Variants in ENKUR observed in about 807,000 individuals in gnomAD.
The protein encoded by ENKUR is enkurin, TRPC channel interacting protein.
In ENKUR, 19 loss-of-function variants were observed where a neutral mutation model predicts 27.6. That is an observed-to-expected ratio of 0.69 (90% confidence interval 0.48 to 1.01). ENKUR has a LOEUF of 1.01. ENKUR is among the 50% of genes least tolerant of loss of function. The pLI is 0.00. For missense variants in ENKUR, 312 were observed against 310.5 expected (o/e 1.00, Z -0.04); for synonymous variants, 117 against 96.9 (o/e 1.21, Z -1.22).
intron 2 of ENKUR, among the ~76,000 whole-genome samples, chr10:25,047,436 T>C (rs1038256237): frequency 2.0e-5 from 3 of 152,236 alleles, no homozygotes; most frequent in African/African-American, 7.2e-5. Context: ...TCAAACTTTT[T>C]CTTTTTTTCA....
chr10:25,011,854 A>G (rs1850453055), intron 1 of ENKUR, among the ~76,000 whole-genome samples: 1 of 152,270 alleles, frequency 6.6e-6, no homozygotes, highest in East Asian at 1.9e-4. Context: ...AGAAATTTGC[A>G]TAAGGAGAAG....
intron 1 of ENKUR, among the ~76,000 whole-genome samples, chr10:25,000,958 T>C (rs1168340717): frequency 6.6e-6 from 1 of 152,122 alleles, no homozygotes; most frequent in South Asian, 2.1e-4. Context: ...GCATTTAACA[T>C]GTGGTATGAG....
At chr10:25,010,304 G>A (rs1400977485) in intron 1 of ENKUR, among the ~76,000 whole-genome samples, 1 of 152,118 alleles carries the variant, frequency 6.6e-6, no homozygotes, top group South Asian at 2.1e-4. Flanking sequence ...GTGGAACTTC[G>A]AATTTGAGAG....
Position 25,041,645 on chromosome 10 carries a change from A to G in ENKUR, c.37+19467T>C, listed in dbSNP as rs551579771. Among the ~76,000 whole-genome samples, 26 of 152,132 alleles carry G rather than the reference A, an allele frequency of 1.7e-4. No individual in the cohort carries two copies. In the East Asian group the frequency reaches 4.6e-3, roughly 27 times the overall value. On this transcript the variant is annotated intron_variant, in intron 2 of 5. Coordinates refer to the ENKUR transcript ENST00000615958. ...CACATTAGATAATTTTGATGGATCT[A>G]TTGTCAAGTTTACTGACTTATTCCT...
At chr10:25,043,377 C>G (rs1226929445) in intron 2 of ENKUR, among the ~76,000 whole-genome samples, 1 of 152,024 alleles carries the variant, frequency 6.6e-6, no homozygotes, top group African/African-American at 2.4e-5. Flanking sequence ...TTTTTATGTT[C>G]TAATTATAAT....
intron 2 of ENKUR, among the ~76,000 whole-genome samples, chr10:25,055,280 AG>A (rs1404436712): frequency 6.6e-6 from 1 of 152,054 alleles, no homozygotes; most frequent in Non-Finnish European, 1.5e-5. Flanking sequence ...TGCATGCAAA[AG>A]TTGAGCAGGG....
Position 24,984,655 on chromosome 10 carries a change from T to C in ENKUR, c.764+81A>G, listed in dbSNP as rs56003744. The stretch of plus-strand genomic sequence containing the variant: ...ATTCTCTTCATAGTATTTTCCTTTT[T>C]GAAAAACTTGGAGTTTTTTATATTT... On this transcript the variant is annotated intron_variant, in intron 5 of 5. Transcript: ENST00000331161. The C allele has an allele frequency of 1.7e-3, 2,261 of 1,343,990 alleles. 31 individuals carry two copies. The African/African-American group carries it at 0.03, about 18-fold the overall frequency. 83.3% of individuals were successfully genotyped at this position (1,343,990 alleles called of 1,614,324 possible).
chr10:25,015,786 G>C (rs1268567115), intron 1 of ENKUR, 74 bp downstream of exon 1: 2 of 1,312,916 alleles, frequency 1.5e-6, no homozygotes, highest in Admixed American at 2.6e-5. Flanking sequence ...AAAAATTCCA[G>C]TATATGTATG....
chr10:25,023,519 T>G, intron 2 of ENKUR: 9 of 1,614,144 alleles, frequency 5.6e-6, no homozygotes, highest in Non-Finnish European at 7.6e-6. Flanking sequence ...AATATGAGTG[T>G]GTCTGAAAAA....
chr10:25,049,341 A>C (rs1851157554), intron 2 of ENKUR, among the ~76,000 whole-genome samples: 1 of 152,172 alleles, frequency 6.6e-6, no homozygotes, highest in Non-Finnish European at 1.5e-5. Flanking sequence ...CAATTTCAGG[A>C]GGTAATAAGT....
At chr10:25,006,229 T>C (rs1850310382) in intron 1 of ENKUR, among the ~76,000 whole-genome samples, 2 of 152,222 alleles carry the variant, frequency 1.3e-5, no homozygotes, top group African/African-American at 4.8e-5. Context: ...TATGTTATCG[T>C]ACTGGAACAC....
chr10:25,016,197 T>A (rs572018896), upstream of ENKUR: 19 of 1,174,074 alleles, frequency 1.6e-5, no homozygotes, highest in East Asian at 6.7e-4. Flanking sequence ...AACGAGGAAG[T>A]GGCAGGCAGC....
At chr10:25,023,480 T>C in intron 2 of ENKUR, 1 of 1,614,154 alleles carries the variant, frequency 6.2e-7, no homozygotes. Flanking sequence ...GTCATAGATG[T>C]GGATGATGAT....
chr10:25,008,782 T>C (rs1850373338), intron 1 of ENKUR, among the ~76,000 whole-genome samples: 2 of 151,794 alleles, frequency 1.3e-5, no homozygotes, highest in African/African-American at 2.4e-5. Flanking sequence ...CCATAAATCA[T>C]GCTGCTATAA....
chr10:25,058,763 T>A (rs1315706955), intron 2 of ENKUR, among the ~76,000 whole-genome samples: 1 of 151,912 alleles, frequency 6.6e-6, no homozygotes, highest in Admixed American at 6.6e-5. Context: ...AAACCCTGTC[T>A]CTACTAACAA....
At chr10:25,058,093 G>T (rs1325906061) in intron 2 of ENKUR, among the ~76,000 whole-genome samples, 2 of 152,064 alleles carry the variant, frequency 1.3e-5, no homozygotes, top group Admixed American at 1.3e-4. Context: ...AACGCTTCGT[G>T]CCCAGAGTCC....
intron 2 of ENKUR, among the ~76,000 whole-genome samples, chr10:25,035,228 C>T (rs866223036): frequency 6.6e-6 from 1 of 152,180 alleles, no homozygotes; most frequent in Non-Finnish European, 1.5e-5. Flanking sequence ...ACCTGCTAAT[C>T]ATGCTTGTAA....
intron 2 of ENKUR, among the ~76,000 whole-genome samples, chr10:25,031,211 A>G (rs1187605934): frequency 6.6e-6 from 1 of 152,210 alleles, no homozygotes; most frequent in Non-Finnish European, 1.5e-5. Context: ...AATGAAATCC[A>G]TGTTCCCTTT....
intron 2 of ENKUR, chr10:25,025,708 G>T (rs12256642): frequency 2.6e-5 from 11 of 418,618 alleles, no homozygotes; most frequent in East Asian, 8.2e-5. Context: ...TGCTCATGAG[G>T]GGTGTATCAA....
Sources: gnomAD v4.1 joint callset for allele counts (sites outside exome capture counted in the v4.1 genomes callset) on GRCh38, gnomAD v4.1.1 for gene constraint, MANE v1.5 for transcripts, NCBI Gene and HGNC (gene_info 2026-07-23, HGNC 2026-07-21) for gene names.